The following KIF1C variants were observed in gnomAD, a reference collection of about 807,000 sequenced individuals.
KIF1C encodes kinesin-like protein KIF1C.
Under a neutral mutation model 126.5 loss-of-function variants are expected in KIF1C, and 61 were observed. The ratio of observed to expected loss-of-function variants is 0.48; its 90% confidence interval spans 0.39 to 0.60. The LOEUF is 0.60. KIF1C is among the 20% of genes least tolerant of loss of function. The probability of loss-of-function intolerance (pLI) is 0.00; values close to 1 mark genes in which losing one functional copy is unlikely to be tolerated. For missense variants in KIF1C, 1,315 were observed against 1,489.2 expected (o/e 0.88, Z 1.93); for synonymous variants, 640 against 580.6 (o/e 1.10, Z -1.47).
chr17:5,003,755 G>C, intron 9 of KIF1C, 66 bp downstream of exon 9: 1 of 1,563,946 alleles, frequency 6.4e-7, no homozygotes, highest in Non-Finnish European at 8.8e-7. Flanking sequence ...GAGGTCTCCA[G>C]TCGGAACCTG....
Position 5,020,765 on chromosome 17 carries a change from T to G in KIF1C, c.1938-41T>G, listed in dbSNP as rs374636319. On this transcript the variant is annotated intron_variant, in intron 20 of 22. Coordinates refer to ENST00000320785, the MANE Select transcript of KIF1C (RefSeq NM_006612.6). The surrounding 1 kb of genome is among the most constrained non-coding windows in gnomAD (Gnocchi z 5.8). ...CCCGTGTCCTCCTCTTGTCAGATAC[T>G]CACCAAGGTTGCTCTTCCTTCCCTC... The G allele has an allele frequency of 1.3e-6, 2 of 1,599,606 alleles. No homozygotes were observed.
rs57216588 is a variant in KIF1C, at chr17:5,014,517, AAG to A, written c.1572-223_1572-222del. Reference sequence around the variant, plus strand: ...GAGCCTGCTGTATAACATGGTGACTAAGAGCATGGCTTCAGAGTCAGGCAGAC... The same window carrying A: ...GAGCCTGCTGTATAACATGGTGACTAAGCATGGCTTCAGAGTCAGGCAGAC... On this transcript the variant is annotated intron_variant, in intron 17 of 22. Transcript: ENST00000320785. 0.035 allele frequency among the ~76,000 whole-genome samples: 5,278 copies of A among 152,226 alleles called. 298 individuals are homozygous for A. The highest frequency in any genetic ancestry group is 0.12 in the African/African-American group (4,897 of 41,492).
At position 5,023,017 on chromosome 17, in the gene KIF1C, AGTTTT is replaced by A. The variant is rs536270731; in HGVS notation, c.2628+318_2628+322del. Among the ~76,000 whole-genome samples the A allele has an allele frequency of 6.6e-6, 1 of 152,056 alleles. No homozygotes were observed. The highest frequency in any genetic ancestry group is 1.5e-5 in the Non-Finnish European group (1 of 68,002). On this transcript the variant is annotated intron_variant, in intron 22 of 22. Transcript: ENST00000320785. The surrounding 1 kb of genome is among the most constrained non-coding windows in gnomAD (Gnocchi z 4.2). ...TAAGACCCACTGATATAAAGTTTGC[AGTTTT>A]GTTTTGTTTCTGAGGTGAAGTCTTG...
In KIF1C at chr17:5,020,145, T is replaced by G; in HGVS notation, c.1750+66T>G. The G allele has an allele frequency of 8.3e-7, 1 of 1,207,830 alleles. No individual in the cohort carries two copies. The highest frequency in any genetic ancestry group is 1.2e-6 in the Non-Finnish European group (1 of 833,004). 74.8% of individuals were successfully genotyped at this position (1,207,830 alleles called of 1,614,324 possible). On this transcript the variant is annotated intron_variant, in intron 19 of 22. Transcript: ENST00000320785. The surrounding 1 kb of genome is among the most constrained non-coding windows in gnomAD (Gnocchi z 5.8). ...TGTGTGTAGGAAGTCTCAAGGGAGG[T>G]CCTTCTGGGTGCATCCTAGAGGAGG...
rs910785695 is a variant in KIF1C at position 5,025,484 on chromosome 17, G to A, written c.*1333G>A. On this transcript the variant is annotated 3_prime_UTR_variant, in exon 23 of 23. Coordinates refer to ENST00000320785, the MANE Select transcript of KIF1C (RefSeq NM_006612.6). Reference sequence around the variant, plus strand: ...TGGTTGTGTTACCTGCCTTCTGGCAGGCTACATCATTGTTCCCAGTCGTTA... The same window carrying A: ...TGGTTGTGTTACCTGCCTTCTGGCAAGCTACATCATTGTTCCCAGTCGTTA... 3 of 152,220 alleles carry A rather than the reference G, an allele frequency of 2.0e-5. No individual in the cohort carries two copies. Among genetic ancestry groups the A allele is most frequent in the Non-Finnish European group, 4.4e-5 (3 of 68,070 alleles). 9.4% of individuals were successfully genotyped at this position (152,220 alleles called of 1,614,324 possible). A position where few individuals can be genotyped will look rare whatever the true frequency, so the allele number is the denominator to read the frequency against.
chr17:5,006,543 C>T (rs959973395), intron 13 of KIF1C, among the ~76,000 whole-genome samples: 1 of 151,982 alleles, frequency 6.6e-6, no homozygotes, highest in Non-Finnish European at 1.5e-5. Flanking sequence ...ACCATGTTGG[C>T]CAGGCTGGTC....
rs144190290 is a variant in KIF1C at position 4,998,076 on chromosome 17, A to C, written c.-229A>C. 14,712 of 151,004 alleles carry C rather than the reference A, an allele frequency of 0.097. 1,406 individuals are homozygous for C. Among genetic ancestry groups the C allele is most frequent in the African/African-American group, 0.25 (10,147 of 41,232 alleles). 9.4% of individuals were successfully genotyped at this position (151,004 alleles called of 1,614,324 possible). ...GGGGGCAGCTCCGAACCGGCCCCAG[A>C]TCCTTCCCGCTTCCGCCTCACGCTT... On this transcript the variant is annotated 5_prime_UTR_variant, in exon 1 of 23. Coordinates refer to ENST00000320785, the MANE Select transcript of KIF1C (RefSeq NM_006612.6).
rs1376531537 is a variant in KIF1C at position 5,022,021 on chromosome 17, C to A, written c.2011-71C>A. The A allele has an allele frequency of 1.3e-6, 2 of 1,485,840 alleles. No individual in the cohort carries two copies. Among genetic ancestry groups the A allele is most frequent in the Non-Finnish European group, 1.8e-6 (2 of 1,107,750 alleles). 92.0% of individuals were successfully genotyped at this position (1,485,840 alleles called of 1,614,324 possible). Reference sequence around the variant, plus strand: ...GGGCGTGTTTCCAGTGTACTTAGGACACACTGGGCCAAGACACATGGGCTC... The same window carrying A: ...GGGCGTGTTTCCAGTGTACTTAGGAAACACTGGGCCAAGACACATGGGCTC... On this transcript the variant is annotated intron_variant, in intron 21 of 22. Coordinates refer to ENST00000320785, the MANE Select transcript of KIF1C (RefSeq NM_006612.6). This position sits in a 1 kb window ranked among gnomAD's most constrained non-coding sequence, Gnocchi z 4.9.
chr17:5,012,952 C>T (rs919570077), intron 16 of KIF1C, among the ~76,000 whole-genome samples: 1 of 152,128 alleles, frequency 6.6e-6, no homozygotes, highest in Non-Finnish European at 1.5e-5. Flanking sequence ...ATGGACTTGG[C>T]TGGGGGCCTT....
Position 5,002,456 on chromosome 17 carries a change from C to T in KIF1C, c.430-8C>T, listed in dbSNP as rs1337810133. ...TTTTGTTACTTCTCATTTGCTTCTC[C>T]CACTCAGGTGAGCTATATGGAGATC... On this transcript the variant is annotated splice_polypyrimidine_tract_variant and splice_region_variant and intron_variant, in intron 6 of 22. Transcript: ENST00000320785. The T allele has an allele frequency of 5.7e-6, 9 of 1,565,890 alleles. No homozygotes were observed. The South Asian group carries it at 5.8e-5, about 10-fold the overall frequency.
rs1975162402 is a variant in KIF1C, at chr17:5,024,205, G to C, written c.*54G>C. The stretch of plus-strand genomic sequence containing the variant: ...GGGGCCCCTTGCTAGGAGAAGGGAA[G>C]ACGCCCGAGACGCTGCTTCCCCAGA... On this transcript the variant is annotated 3_prime_UTR_variant, in exon 23 of 23. Transcript: ENST00000320785. 1 of 1,256,220 alleles carries C rather than the reference G, an allele frequency of 8.0e-7. No homozygotes were observed. The highest frequency in any genetic ancestry group is 1.5e-5 in the African/African-American group (1 of 66,238). The allele number at this position is 1,256,220 out of a possible 1,614,324, so 77.8% of individuals were successfully genotyped here.
chr17:5,017,339 G>A (rs1302691681), intron 18 of KIF1C, among the ~76,000 whole-genome samples: 2 of 127,288 alleles, frequency 1.6e-5, no homozygotes, highest in Non-Finnish European at 3.1e-5. Context: ...TCGCTCTGTC[G>A]CCCAGGCTCG....
At chr17:5,000,472 T>C (rs1308208926) in intron 3 of KIF1C, 120 bp downstream of exon 3, 5 of 748,560 alleles carry the variant, frequency 6.7e-6, no homozygotes, top group Non-Finnish European at 1.1e-5. Context: ...CAGGTGCTAG[T>C]CGTAAGGGCG....
chr17:5,010,072 A>G (rs59830611), intron 16 of KIF1C, among the ~76,000 whole-genome samples: 8 of 151,946 alleles, frequency 5.3e-5, no homozygotes, highest in Admixed American at 2.6e-4. Context: ...GATTACAGGC[A>G]CCCACCACCA....
chr17:4,999,842 G>A lies in KIF1C; in HGVS notation c.-148-8G>A, dbSNP rs562331027. 7 of 185,016 alleles carry A rather than the reference G, an allele frequency of 3.8e-5. No homozygotes were observed. The highest frequency in any genetic ancestry group is 7.0e-5 in the African/African-American group (3 of 42,872). The allele number at this position is 185,016 out of a possible 1,614,324, so 11.5% of individuals were successfully genotyped here. ...GGTGCCTTCTAACAACTCTTCCCCC[G>A]CAATCAGGGTATCTCCCAGAGCCCC... On this transcript the variant is annotated splice_polypyrimidine_tract_variant and splice_region_variant and intron_variant, in intron 1 of 22. Coordinates refer to ENST00000320785, the MANE Select transcript of KIF1C (RefSeq NM_006612.6).
At position 5,000,756 on chromosome 17, in the gene KIF1C, C is replaced by G; in HGVS notation, c.107-16C>G. 3 of 1,613,358 alleles carry G rather than the reference C, an allele frequency of 1.9e-6. No individual in the cohort carries two copies. Among genetic ancestry groups the G allele is most frequent in the Non-Finnish European group, 2.5e-6 (3 of 1,179,370 alleles). On this transcript the variant is annotated splice_polypyrimidine_tract_variant and intron_variant, in intron 3 of 22. Transcript: ENST00000320785. Reference sequence around the variant, plus strand: ...TGACCTTGACTTTCCTTCCTTTACCCTCTCCTGCCCCTCAGCCATCATCAA... The same window carrying G: ...TGACCTTGACTTTCCTTCCTTTACCGTCTCCTGCCCCTCAGCCATCATCAA...
chr17:5,001,850 C>G (rs1478607193), intron 5 of KIF1C, among the ~76,000 whole-genome samples: 1 of 152,184 alleles, frequency 6.6e-6, no homozygotes, highest in Non-Finnish European at 1.5e-5. Context: ...GGGTTTGCAC[C>G]CTGGCTGGCT....
chr17:5,021,173 T>G (rs1447986905), intron 21 of KIF1C, among the ~76,000 whole-genome samples: 1 of 139,054 alleles, frequency 7.2e-6, no homozygotes, highest in African/African-American at 2.7e-5. Flanking sequence ...GTTGTGGTTT[T>G]TTTTTTTTTT....
intron 4 of KIF1C, 112 bp from the exon 5 acceptor site, chr17:5,001,110 A>T: frequency 8.5e-7 from 1 of 1,179,230 alleles, no homozygotes; most frequent in African/African-American, 1.5e-5. Flanking sequence ...GGGAGGGCAC[A>T]CAGGACATTT....
Sources: gnomAD v4.1 joint callset for allele counts (sites outside exome capture counted in the v4.1 genomes callset) on GRCh38, gnomAD v4.1.1 for gene constraint, Gnocchi (gnomAD v3.1) non-coding constraint, MANE v1.5 for transcripts, NCBI Gene and HGNC (gene_info 2026-07-23, HGNC 2026-07-21) for gene names.